Variants in HIVEP1 observed in about 807,000 individuals in gnomAD.
HIVEP1 encodes the protein HIVEP zinc finger 1.
HIVEP1 carries 36 observed loss-of-function variants against 180.0 expected under a neutral mutation model. The ratio of observed to expected loss-of-function variants is 0.20; its 90% confidence interval spans 0.15 to 0.26. The LOEUF is 0.26. HIVEP1 is among the 10% of genes least tolerant of loss of function. HIVEP1 has a pLI of 1.00. For missense variants in HIVEP1, 3,143 were observed against 3,268.7 expected, an observed-to-expected ratio of 0.96 and a Z score of 0.94; for synonymous variants, 1,239 against 1,239.0, an observed-to-expected ratio of 1.00 and a Z score of 0.00.
intron 2 of HIVEP1, among the ~76,000 whole-genome samples, chr6:12,021,926 A>G (rs1768244562): frequency 6.6e-6 from 1 of 152,088 alleles, no homozygotes; most frequent in Non-Finnish European, 1.5e-5. Flanking sequence ...TGGTCTCCCA[A>G]AGTGCTGGGA....
chr6:12,063,535 G>A lies in HIVEP1; in HGVS notation c.41-25649G>A, dbSNP rs545212224. Among the ~76,000 whole-genome samples the A allele has an allele frequency of 6.6e-6, 1 of 152,164 alleles. No homozygotes were observed. The highest frequency in any genetic ancestry group is 1.9e-4 in the East Asian group (1 of 5,190). The stretch of plus-strand genomic sequence containing the variant: ...GTGGCTGCACGTGGAAGGTGGGTTG[G>A]AAGGCAGGGAAGGGCAGGAGCAGAT... On this transcript the variant is annotated intron_variant, in intron 2 of 8. Coordinates refer to ENST00000379388, the MANE Select transcript of HIVEP1 (RefSeq NM_002114.4). The surrounding 1 kb of genome is among the most constrained non-coding windows in gnomAD (Gnocchi z 4.2).
the HIVEP1 span, among the ~76,000 whole-genome samples, chr6:12,206,950 A>C: frequency 6.6e-6 from 1 of 151,742 alleles, no homozygotes; most frequent in Admixed American, 6.5e-5. Context: ...ATGTGTGCTA[A>C]TTTCCTCCTG....
Position 12,164,668 on chromosome 6 carries a change from T to G in HIVEP1, c.*207T>G, listed in dbSNP as rs1321105558. 2.1e-6 allele frequency: 1 copy of G among 487,732 alleles called. No individual in the cohort carries two copies. Among genetic ancestry groups the G allele is most frequent in the Non-Finnish European group, 3.6e-6 (1 of 278,372 alleles). 30.2% of individuals were successfully genotyped at this position (487,732 alleles called of 1,614,324 possible). On this transcript the variant is annotated 3_prime_UTR_variant, in exon 9 of 9. Coordinates refer to ENST00000379388, the MANE Select transcript of HIVEP1 (RefSeq NM_002114.4). ...AGACAATTGTGCCTTTTAGGAGCTT[T>G]ATGTTTAGAAACTGTACAGATTGTT...
chr6:12,139,201 C>T (rs1201796556), intron 7 of HIVEP1, among the ~76,000 whole-genome samples: 3 of 152,128 alleles, frequency 2.0e-5, no homozygotes, highest in African/African-American at 7.2e-5. Context: ...CTCTGTCTTC[C>T]TCCTTACCAT....
chr6:12,183,808 C>T, the HIVEP1 span, among the ~76,000 whole-genome samples: 144 of 152,144 alleles, frequency 9.5e-4, 2 homozygotes, highest in Non-Finnish European at 1.4e-3. Flanking sequence ...ATACAATATA[C>T]AAAAGCAAGA....
intron 2 of HIVEP1, among the ~76,000 whole-genome samples, chr6:12,062,469 A>G (rs1356951685): frequency 6.6e-6 from 1 of 152,154 alleles, no homozygotes; most frequent in African/African-American, 2.4e-5. Flanking sequence ...CTTAATTTTT[A>G]AATTAATTCT....
intron 2 of HIVEP1, among the ~76,000 whole-genome samples, chr6:12,080,067 A>T (rs1453423292): frequency 1.3e-5 from 2 of 152,096 alleles, no homozygotes; most frequent in African/African-American, 4.8e-5. Context: ...ATATGCAGCA[A>T]AAGTTGGGTT....
chr6:12,180,829 G>A, the HIVEP1 span, among the ~76,000 whole-genome samples: 10 of 152,122 alleles, frequency 6.6e-5, no homozygotes, highest in Non-Finnish European at 1.2e-4. Flanking sequence ...TGTGGTAAAG[G>A]ATCTTTTATT....
At chr6:12,197,722 G>A in the HIVEP1 span, among the ~76,000 whole-genome samples, 1 of 152,072 alleles carries the variant, frequency 6.6e-6, no homozygotes, top group Non-Finnish European at 1.5e-5. Context: ...GGTATGGCAG[G>A]ATCTGATTTG....
At chr6:12,113,298 C>T (rs1020111257) in intron 3 of HIVEP1, among the ~76,000 whole-genome samples, 9 of 151,386 alleles carry the variant, frequency 5.9e-5, no homozygotes, top group South Asian at 4.2e-4. Flanking sequence ...AACACTGGTG[C>T]GGTGAGTTGA....
At chr6:12,199,595 A>G in the HIVEP1 span, among the ~76,000 whole-genome samples, 451 of 152,222 alleles carry the variant, frequency 3.0e-3, 1 homozygote, top group African/African-American at 0.01. Flanking sequence ...TCCTGACCTC[A>G]GGTGATCTGC....
At chr6:12,117,446 A>G (rs560570483) in intron 3 of HIVEP1, among the ~76,000 whole-genome samples, 90 of 152,346 alleles carry the variant, frequency 5.9e-4, no homozygotes, top group Admixed American at 1.1e-3. Flanking sequence ...TTTCTCTTAT[A>G]AAGAAATATG....
intron 3 of HIVEP1, among the ~76,000 whole-genome samples, chr6:12,101,540 A>T (rs776032102): frequency 6.6e-6 from 1 of 152,024 alleles, no homozygotes; most frequent in Non-Finnish European, 1.5e-5. Flanking sequence ...ATCTAAAGAG[A>T]CTCTGAAGAT....
At chr6:12,150,963 G>T (rs1759668192) in intron 7 of HIVEP1, among the ~76,000 whole-genome samples, 1 of 152,130 alleles carries the variant, frequency 6.6e-6, no homozygotes, top group Non-Finnish European at 1.5e-5. Context: ...CTACCCTCGG[G>T]AGCCCCTTCT....
In HIVEP1 at chr6:12,121,347, A is replaced by T. The variant is rs1205437309; in HGVS notation, c.1552A>T (p.Ile518Leu). 1 of 1,614,088 alleles carries T rather than the reference A, an allele frequency of 6.2e-7. No individual in the cohort carries two copies. Among genetic ancestry groups the T allele is most frequent in the Admixed American group, 1.7e-5 (1 of 60,012 alleles). Residue 518 changes from isoleucine to leucine, a missense_variant, in exon 4 of 9, where the codon ATA becomes TTA. By Grantham distance (5) the Ile-to-Leu change is conservative. This residue lies in a region of HIVEP1 where 365 missense variants were observed against 344.4 expected (regional missense o/e 1.06). Coordinates refer to ENST00000379388, the MANE Select transcript of HIVEP1 (RefSeq NM_002114.4). The surrounding 1 kb of genome is among the most constrained non-coding windows in gnomAD (Gnocchi z 5.3). ...CGCCATGGAGCTGCAGCCTGTGCAC[A>T]TAATAAAGAGGATGTCAAATGCTGA... ...LGAMELQPVH[I>L]IKRMSNAETL... is the part of the protein sequence containing the mutation.
chr6:12,135,083 G>A (rs1233241919), intron 6 of HIVEP1, among the ~76,000 whole-genome samples: 2 of 152,166 alleles, frequency 1.3e-5, no homozygotes, highest in Non-Finnish European at 2.9e-5. Context: ...CCAGATATAT[G>A]CCTACAGGCT....
At chr6:12,211,653 A>C in the HIVEP1 span, among the ~76,000 whole-genome samples, 1 of 152,020 alleles carries the variant, frequency 6.6e-6, no homozygotes, top group Non-Finnish European at 1.5e-5. Flanking sequence ...CCATAAAGAA[A>C]TATCATGTAA....
chr6:12,201,724 T>C, the HIVEP1 span, among the ~76,000 whole-genome samples: 1 of 152,262 alleles, frequency 6.6e-6, no homozygotes, highest in Admixed American at 6.5e-5. Context: ...CATCGTATTT[T>C]GTTTTCATTA....
At chr6:12,194,549 C>T in the HIVEP1 span, among the ~76,000 whole-genome samples, 1 of 151,960 alleles carries the variant, frequency 6.6e-6, no homozygotes, top group East Asian at 1.9e-4. Flanking sequence ...AGCTGTAATC[C>T]CAGCACTTTG....
Sources: allele counts gnomAD v4.1 joint callset (sites outside exome capture counted in the v4.1 genomes callset), GRCh38; gene constraint gnomAD v4.1.1; regional missense constraint gnomAD v4.1.1; non-coding constraint Gnocchi (gnomAD v3.1); transcripts MANE v1.5; gene names NCBI Gene and HGNC (gene_info 2026-07-23, HGNC 2026-07-21).